SAMD12: variants seen among roughly 807,000 people sequenced by gnomAD.
SAMD12 encodes sterile alpha motif domain containing 12, also known as sterile alpha motif domain-containing protein 12.
SAMD12 carries 9 observed loss-of-function variants against 15.0 expected under a neutral mutation model. The ratio of observed to expected loss-of-function variants is 0.60; its 90% CI spans 0.36 to 1.05. The LOEUF is 1.05. SAMD12 is among the 50% of genes least tolerant of loss of function. The pLI is 0.01. For missense variants in SAMD12, 230 were observed against 234.2 expected, an observed-to-expected ratio of 0.98 and a Z score of 0.12; for synonymous variants, 86 against 90.1, an observed-to-expected ratio of 0.96 and a Z score of 0.25.
At chr8:118,587,432 C>G (rs1306241706) in intron 1 of SAMD12, among the ~76,000 whole-genome samples, 2 of 152,226 alleles carry the variant, frequency 1.3e-5, no homozygotes, top group African/African-American at 4.8e-5. Flanking sequence ...ATTCTCAACA[C>G]TCTCATTTTT....
At chr8:118,465,496 G>C (rs995086897) in intron 2 of SAMD12, among the ~76,000 whole-genome samples, 52 of 152,042 alleles carry the variant, frequency 3.4e-4, no homozygotes, top group African/African-American at 1.2e-3. Flanking sequence ...TTGTCTTCTT[G>C]TTATTCTCAA....
At chr8:118,476,914 T>C (rs1823976042) in intron 2 of SAMD12, among the ~76,000 whole-genome samples, 1 of 152,150 alleles carries the variant, frequency 6.6e-6, no homozygotes, top group African/African-American at 2.4e-5. Flanking sequence ...TTGTCAGCAA[T>C]GGTACAAACA....
intron 4 of SAMD12, among the ~76,000 whole-genome samples, chr8:118,321,847 A>G (rs1816300754): frequency 1.3e-5 from 2 of 152,190 alleles, no homozygotes; most frequent in Non-Finnish European, 1.5e-5. Flanking sequence ...GATAATAATA[A>G]GCCCTCTCAC....
chr8:118,402,371 TGAGA>T lies in SAMD12; in HGVS notation c.323-22675_323-22672del, dbSNP rs1198154866. ...CTTAATAAAAGGCAAGATCGAAGTATGAGAGAGAAATACGTAAGATGCAAAGAAA... is the reference window on the plus strand; with the variant it reads ...CTTAATAAAAGGCAAGATCGAAGTATGAGAAATACGTAAGATGCAAAGAAA... On this transcript the variant is annotated intron_variant, in intron 3 of 3. Transcript: ENST00000314727. Among the ~76,000 whole-genome samples, 4 of 152,212 alleles carry T rather than the reference TGAGA, an allele frequency of 2.6e-5. No individual in the cohort carries two copies. In the East Asian group the frequency reaches 7.7e-4, roughly 29 times the overall value.
intron 4 of SAMD12, among the ~76,000 whole-genome samples, chr8:118,248,571 G>C (rs1395087466): frequency 2.0e-5 from 3 of 151,962 alleles, no homozygotes; most frequent in Non-Finnish European, 4.4e-5. Flanking sequence ...TCGCTCATTA[G>C]GCATTAGCTC....
At chr8:118,313,864 T>C (rs1224387468) in intron 4 of SAMD12, among the ~76,000 whole-genome samples, 1 of 152,000 alleles carries the variant, frequency 6.6e-6, no homozygotes, top group Non-Finnish European at 1.5e-5. Flanking sequence ...TATTGAAATT[T>C]GGCTATTTTT....
chr8:118,534,047 T>C (rs1825764963), intron 2 of SAMD12, among the ~76,000 whole-genome samples: 1 of 152,232 alleles, frequency 6.6e-6, no homozygotes, highest in Admixed American at 6.5e-5. Flanking sequence ...TCGATGGTCT[T>C]TACAATTTGG....
At chr8:118,512,865 G>A (rs1000310862) in intron 2 of SAMD12, among the ~76,000 whole-genome samples, 1 of 151,996 alleles carries the variant, frequency 6.6e-6, no homozygotes. Context: ...TCTCTGTGAC[G>A]CTTTTCCCAA....
At chr8:118,347,983 TCCTTAA>T (rs1340730675) in intron 4 of SAMD12, among the ~76,000 whole-genome samples, 4 of 152,204 alleles carry the variant, frequency 2.6e-5, no homozygotes. Context: ...TATAGCAAGC[TCCTTAA>T]CCTTAGTGTG....
intron 1 of SAMD12, among the ~76,000 whole-genome samples, chr8:118,603,770 T>C (rs1476004366): frequency 6.6e-6 from 1 of 152,062 alleles, no homozygotes. Context: ...GAACGACCTA[T>C]TCGGAACAAA....
intron 4 of SAMD12, among the ~76,000 whole-genome samples, chr8:118,234,953 T>G: frequency 6.6e-6 from 1 of 152,152 alleles, no homozygotes; most frequent in South Asian, 2.1e-4. Context: ...ATAAATACTC[T>G]CAAAATGTTC....
chr8:118,426,447 A>G (rs915304960), intron 3 of SAMD12, among the ~76,000 whole-genome samples: 1 of 152,180 alleles, frequency 6.6e-6, no homozygotes, highest in Non-Finnish European at 1.5e-5. Flanking sequence ...CATCACATGT[A>G]CTGGACAGAA....
At chr8:118,332,922 G>C (rs1314975409) in intron 4 of SAMD12, among the ~76,000 whole-genome samples, 4 of 152,050 alleles carry the variant, frequency 2.6e-5, no homozygotes, top group African/African-American at 9.7e-5. Flanking sequence ...GGAAGTTAGG[G>C]GCCCTTCTAG....
intron 4 of SAMD12, among the ~76,000 whole-genome samples, chr8:118,232,732 A>G (rs576003471): frequency 6.6e-6 from 1 of 152,200 alleles, no homozygotes; most frequent in South Asian, 2.1e-4. Context: ...GCAAAGAGAA[A>G]GGGGAGGAAG....
At chr8:118,398,409 T>C (rs1453659929) in intron 3 of SAMD12, among the ~76,000 whole-genome samples, 1 of 151,540 alleles carries the variant, frequency 6.6e-6, no homozygotes, top group Non-Finnish European at 1.5e-5. Context: ...AAAAACAAAA[T>C]AAAAAAATAA....
At chr8:118,395,254 C>G (rs1469181723) in intron 3 of SAMD12, among the ~76,000 whole-genome samples, 1 of 152,142 alleles carries the variant, frequency 6.6e-6, no homozygotes, top group African/African-American at 2.4e-5. Flanking sequence ...TTTACAAACA[C>G]TCGCATGAAT....
At chr8:118,163,167 T>C in the SAMD12 span, among the ~76,000 whole-genome samples, 1 of 152,018 alleles carries the variant, frequency 6.6e-6, no homozygotes, top group African/African-American at 2.4e-5. Context: ...CTGGCAGGAG[T>C]GCAGGGACGT....
chr8:118,160,232 T>C, the SAMD12 span, among the ~76,000 whole-genome samples: 1 of 152,220 alleles, frequency 6.6e-6, no homozygotes, highest in South Asian at 2.1e-4. Context: ...TGAAGTTAAT[T>C]TAAGCAGACT....
chr8:118,325,097 G>A (rs1285721894), intron 4 of SAMD12, among the ~76,000 whole-genome samples: 1 of 152,166 alleles, frequency 6.6e-6, no homozygotes, highest in Non-Finnish European at 1.5e-5. Context: ...TTGGTATGCT[G>A]GGTATGTATG....
Sources: gnomAD v4.1 joint callset for allele counts (sites outside exome capture counted in the v4.1 genomes callset) on GRCh38, gnomAD v4.1.1 for gene constraint, MANE v1.5 for transcripts, NCBI Gene and HGNC (gene_info 2026-07-23, HGNC 2026-07-21) for gene names.